The following ITGB5 variants were observed in gnomAD, a reference collection of about 807,000 sequenced individuals.
The protein encoded by ITGB5 is integrin beta-5.
A neutral mutation model predicts 84.8 loss-of-function variants in ITGB5; 38 were observed. The observed-to-expected ratio is 0.45, with a 90% CI of 0.35 to 0.59. ITGB5 has a LOEUF of 0.59. Ranked by LOEUF, ITGB5 falls within the 20% of genes least tolerant of loss-of-function variation. The pLI is 0.01. For missense variants in ITGB5, 905 were observed against 1,034.5 expected (o/e 0.87, Z 1.72); for synonymous variants, 393 against 414.4 (o/e 0.95, Z 0.63).
chr3:124,857,866 GTTCACGC>G (rs1483631329), intron 3 of ITGB5, among the ~76,000 whole-genome samples: 3 of 152,142 alleles, frequency 2.0e-5, no homozygotes, highest in Non-Finnish European at 4.4e-5. Context: ...AGGCATGGTG[GTTCACGC>G]CTGTAACCCC....
chr3:124,774,527 C>T (rs1015027335), intron 10 of ITGB5, among the ~76,000 whole-genome samples: 6 of 152,074 alleles, frequency 3.9e-5, no homozygotes, highest in Admixed American at 6.6e-5. Flanking sequence ...GCCAGGAAGC[C>T]GATGCTCCCT....
At chr3:124,869,437 A>G (rs1047483590) in intron 2 of ITGB5, among the ~76,000 whole-genome samples, 3 of 152,040 alleles carry the variant, frequency 2.0e-5, no homozygotes, top group Non-Finnish European at 4.4e-5. Context: ...TTAGCCAGGT[A>G]TGGTGGCACG....
intron 14 of ITGB5, 140 bp from the exon 15 acceptor site, chr3:124,763,858 G>A (rs1201936077): frequency 3.4e-6 from 2 of 595,864 alleles, no homozygotes; most frequent in Non-Finnish European, 6.1e-6. Context: ...AGACGGCCGT[G>A]GGCTCTAGGA....
At chr3:124,805,325 G>A (rs991357224) in intron 9 of ITGB5, among the ~76,000 whole-genome samples, 1 of 150,658 alleles carries the variant, frequency 6.6e-6, no homozygotes, top group Non-Finnish European at 1.5e-5. Context: ...GTATTTTTGG[G>A]GGAGACTGGG....
At chr3:124,870,717 C>A (rs1293699634) in intron 2 of ITGB5, among the ~76,000 whole-genome samples, 1 of 131,412 alleles carries the variant, frequency 7.6e-6, no homozygotes, top group Non-Finnish European at 1.7e-5. Context: ...CAGAATGAGA[C>A]CCCATCTCAA....
chr3:124,763,525 CT>C lies in ITGB5; in HGVS notation c.*97del. On this transcript the variant is annotated 3_prime_UTR_variant, in exon 15 of 15. Transcript: ENST00000296181. ...CACTAGAAGGTCTTCTCTGTGGTGCCTACCTAGGGAGCTGTGATCAAGCCGA... is the reference window on the plus strand; with the variant it reads ...CACTAGAAGGTCTTCTCTGTGGTGCCACCTAGGGAGCTGTGATCAAGCCGA... 4 of 706,406 alleles carry C rather than the reference CT, an allele frequency of 5.7e-6. No homozygotes were observed. Among genetic ancestry groups the C allele is most frequent in the South Asian group, 5.0e-5 (3 of 59,556 alleles). The allele number at this position is 706,406 out of a possible 1,614,324, so 43.8% of individuals were successfully genotyped here.
In ITGB5 at chr3:124,773,685, A is replaced by C; in HGVS notation, c.1916+5T>G. The C allele has an allele frequency of 6.2e-7, 1 of 1,611,744 alleles. No homozygotes were observed. Among genetic ancestry groups the C allele is most frequent in the Non-Finnish European group, 8.5e-7 (1 of 1,179,672 alleles). ...GTAAGGTGGGGCTGTCAGTGGAACC[A>C]GTACCTCTTGGTGCTGCATGCATCC... On this transcript the variant is annotated splice_donor_5th_base_variant and intron_variant, in intron 11 of 14. Coordinates refer to ENST00000296181, the MANE Select transcript of ITGB5 (RefSeq NM_002213.5).
chr3:124,897,631 A>G (rs759328139), intron 1 of ITGB5, among the ~76,000 whole-genome samples: 37 of 152,336 alleles, frequency 2.4e-4, no homozygotes, highest in Middle Eastern at 3.4e-3. Context: ...CAGCCTAGGC[A>G]ACATAGCAAG....
At chr3:124,868,252 T>C (rs1161019571) in intron 2 of ITGB5, among the ~76,000 whole-genome samples, 2 of 152,102 alleles carry the variant, frequency 1.3e-5, no homozygotes, top group Non-Finnish European at 2.9e-5. Context: ...AACAGACTAA[T>C]ACATGTGTCT....
intron 3 of ITGB5, among the ~76,000 whole-genome samples, chr3:124,852,164 G>A (rs56322733): frequency 0.041 from 6,192 of 152,042 alleles, 191 homozygotes; most frequent in South Asian, 0.066. Context: ...AGCGCTTCTC[G>A]CCTTTAATTT....
chr3:124,893,100 T>G (rs1424611141), intron 1 of ITGB5, among the ~76,000 whole-genome samples: 2 of 152,150 alleles, frequency 1.3e-5, no homozygotes, highest in African/African-American at 4.8e-5. Context: ...ACAATTTTCT[T>G]TAATGTTAAG....
intron 10 of ITGB5, among the ~76,000 whole-genome samples, chr3:124,779,488 T>C (rs575532123): frequency 2.2e-4 from 33 of 152,144 alleles, no homozygotes; most frequent in African/African-American, 7.7e-4. Context: ...TGGGAAGTTG[T>C]GCATAAGGCT....
chr3:124,883,746 G>A (rs1284548774), intron 1 of ITGB5, among the ~76,000 whole-genome samples: 1 of 152,212 alleles, frequency 6.6e-6, no homozygotes, highest in Non-Finnish European at 1.5e-5. Context: ...CGGTGTTGCA[G>A]GATCCTCTTT....
chr3:124,775,631 T>C (rs2063916356), intron 10 of ITGB5, among the ~76,000 whole-genome samples: 1 of 152,026 alleles, frequency 6.6e-6, no homozygotes, highest in African/African-American at 2.4e-5. Flanking sequence ...CAACCAAGAG[T>C]TTCATTTGCT....
At chr3:124,900,909 T>C (rs1935203496) in intron 1 of ITGB5, among the ~76,000 whole-genome samples, 1 of 152,208 alleles carries the variant, frequency 6.6e-6, no homozygotes. Flanking sequence ...TAACATTGCT[T>C]ATGGTTATGT....
intron 2 of ITGB5, among the ~76,000 whole-genome samples, chr3:124,868,379 A>G (rs2065423876): frequency 6.6e-6 from 1 of 151,966 alleles, no homozygotes; most frequent in African/African-American, 2.4e-5. Flanking sequence ...AGGCCAAGAC[A>G]GGCAGTGACC....
At position 124,873,521 on chromosome 3, in the gene ITGB5, T is replaced by C; in HGVS notation, c.81A>G (p.Ile27Met). The C allele has an allele frequency of 6.2e-7, 1 of 1,612,718 alleles. No homozygotes were observed. ...ALLPRLAGLN[I>M]CTSGSATSCE... Reference sequence around the variant, plus strand: ...ATGAGGTGGCACTTCCACTAGTGCATATGTTGAGACCTTTAAAGCAAGATA... The same window carrying C: ...ATGAGGTGGCACTTCCACTAGTGCACATGTTGAGACCTTTAAAGCAAGATA... The change falls in exon 2 of 15, where the codon ATA (isoleucine) becomes ATG (methionine). Residue 27 changes from isoleucine to methionine, a missense_variant. Physicochemically the swap from Ile to Met is conservative, Grantham distance 10. Coordinates refer to ENST00000296181, the MANE Select transcript of ITGB5 (RefSeq NM_002213.5).
At chr3:124,820,512 T>C (rs2064684965) in intron 6 of ITGB5, among the ~76,000 whole-genome samples, 1 of 152,226 alleles carries the variant, frequency 6.6e-6, no homozygotes, top group African/African-American at 2.4e-5. Context: ...TAGTCCTTTT[T>C]TCAGATTCCA....
At chr3:124,841,322 C>T (rs2065007054) in intron 5 of ITGB5, 61 bp downstream of exon 5, 5 of 1,525,532 alleles carry the variant, frequency 3.3e-6, no homozygotes, top group Non-Finnish European at 4.5e-6. Context: ...AGTACCAACA[C>T]CCACTGACGC....
Sources: gnomAD v4.1 joint callset for allele counts (sites outside exome capture counted in the v4.1 genomes callset) on GRCh38, gnomAD v4.1.1 for gene constraint, MANE v1.5 for transcripts, NCBI Gene and HGNC (gene_info 2026-07-23, HGNC 2026-07-21) for gene names.